EDAR: variants seen among roughly 807,000 people sequenced by gnomAD.
EDAR encodes ectodysplasin A receptor.
EDAR carries 38 observed loss-of-function variants against 51.3 expected under a neutral mutation model. The ratio of observed to expected loss-of-function variants is 0.74; its 90% CI spans 0.57 to 0.97. The LOEUF (loss-of-function observed/expected upper bound fraction) is 0.97. Ranked by LOEUF, EDAR falls within the 50% of genes least tolerant of loss-of-function variation. The pLI is 0.00. For synonymous variants in EDAR, 227 were observed against 242.1 expected, an observed-to-expected ratio of 0.94 and a Z score of 0.58; for missense variants, 528 against 595.0, an observed-to-expected ratio of 0.89 and a Z score of 1.17.
At chr2:108,979,605 G>A (rs6710980) in intron 1 of EDAR, among the ~76,000 whole-genome samples, 1 of 152,106 alleles carries the variant, frequency 6.6e-6, no homozygotes, top group Non-Finnish European at 1.5e-5. Context: ...GAGCCATGCT[G>A]CTGAGGTGCA....
At chr2:108,984,643 A>G (rs564786367) in intron 1 of EDAR, among the ~76,000 whole-genome samples, 2 of 151,224 alleles carry the variant, frequency 1.3e-5, no homozygotes, top group South Asian at 2.1e-4. Flanking sequence ...AGAGGCCCCC[A>G]CTACTACCCT....
intron 1 of EDAR, among the ~76,000 whole-genome samples, chr2:108,983,373 A>T (rs1426239911): frequency 6.6e-6 from 1 of 152,240 alleles, no homozygotes; most frequent in Non-Finnish European, 1.5e-5. Flanking sequence ...TTTTGGGGCC[A>T]GAGGTAATGT....
intron 1 of EDAR, among the ~76,000 whole-genome samples, chr2:108,970,803 C>T (rs1698220732): frequency 6.6e-6 from 1 of 152,204 alleles, no homozygotes; most frequent in South Asian, 2.1e-4. Context: ...GGAAAATACA[C>T]TTTAATTTGT....
chr2:108,935,025 A>G (rs1231666281), intron 1 of EDAR, among the ~76,000 whole-genome samples: 5 of 152,210 alleles, frequency 3.3e-5, no homozygotes, highest in African/African-American at 1.2e-4. Context: ...TTTGGAGTCA[A>G]GCGTCACCTG....
intron 1 of EDAR, among the ~76,000 whole-genome samples, chr2:108,958,539 G>C (rs1021501275): frequency 6.6e-6 from 1 of 152,156 alleles, no homozygotes; most frequent in African/African-American, 2.4e-5. Context: ...CAAGACCCTG[G>C]ACCCAGGACG....
rs12993289 is a variant in EDAR at position 108,965,023 on chromosome 2, T to G, written c.-19+23937A>C. Among the ~76,000 whole-genome samples the G allele has an allele frequency of 5.8e-3, 885 of 152,284 alleles. 5 individuals carry two copies. The highest frequency in any genetic ancestry group is 9.9e-3 in the Non-Finnish European group (674 of 68,014). ...ACAACCTGCCTCTTTTACATGAACA[T>G]TCTAAAAACTTACTTTAATATTCCT... On this transcript the variant is annotated intron_variant, in intron 1 of 11. Coordinates refer to ENST00000258443, the MANE Select transcript of EDAR (RefSeq NM_022336.4).
intron 11 of EDAR, among the ~76,000 whole-genome samples, chr2:108,903,723 T>C (rs1366411430): frequency 6.6e-6 from 1 of 152,156 alleles, no homozygotes; most frequent in Non-Finnish European, 1.5e-5. Context: ...TTGACCCAAG[T>C]TTCATATCTT....
At position 108,897,285 on chromosome 2, in the gene EDAR, A is replaced by G; in HGVS notation, c.1025-56T>C. ...TGCAAGTCACAGTCAATAGAAGGTCAACACTGAAAAATTATTTAAATGAAA... is the reference window on the plus strand; with the variant it reads ...TGCAAGTCACAGTCAATAGAAGGTCGACACTGAAAAATTATTTAAATGAAA... On this transcript the variant is annotated intron_variant, in intron 11 of 11. Transcript: ENST00000258443. 2.7e-6 allele frequency: 4 copies of G among 1,469,650 alleles called. No individual in the cohort carries two copies. In the South Asian group the frequency reaches 4.8e-5, roughly 18 times the overall value. 91.0% of individuals were successfully genotyped at this position (1,469,650 alleles called of 1,614,324 possible).
At chr2:108,948,322 G>C (rs764558955) in intron 1 of EDAR, among the ~76,000 whole-genome samples, 19 of 152,194 alleles carry the variant, frequency 1.2e-4, no homozygotes, top group Admixed American at 1.0e-3. Context: ...ACGTTCCCAT[G>C]TCTTCCTGTC....
Position 108,923,676 on chromosome 2 carries a change from T to C in EDAR, c.357-223A>G, listed in dbSNP as rs77401860. On this transcript the variant is annotated intron_variant, in intron 4 of 11. Coordinates refer to ENST00000258443, the MANE Select transcript of EDAR (RefSeq NM_022336.4). ...CAATATTGAGCTGCCAACGTGGGCC[T>C]TTCTTTTGATCTCAGCCCCTTTCTG... 1.4e-4 allele frequency among the ~76,000 whole-genome samples: 22 copies of C among 152,370 alleles called. No homozygotes were observed. The East Asian group carries it at 4.2e-3, about 29-fold the overall frequency.
intron 11 of EDAR, among the ~76,000 whole-genome samples, chr2:108,901,710 TAAAC>T (rs994467439): frequency 2.6e-5 from 4 of 152,098 alleles, no homozygotes; most frequent in African/African-American, 4.8e-5. Context: ...TAGATGAAAA[TAAAC>T]AATTCCTCAA....
At chr2:108,937,279 T>G (rs992710044) in intron 1 of EDAR, among the ~76,000 whole-genome samples, 3 of 152,238 alleles carry the variant, frequency 2.0e-5, no homozygotes, top group Non-Finnish European at 4.4e-5. Flanking sequence ...CAAACTGACC[T>G]TTGGCAGCCC....
In EDAR at chr2:108,923,423, G is replaced by A. The variant is rs752040374; in HGVS notation, c.387C>T (p.Asn129=). Residue 129 remains asparagine (N), a synonymous_variant, in exon 5 of 12, where the codon AAC becomes AAT. Coordinates refer to ENST00000258443, the MANE Select transcript of EDAR (RefSeq NM_022336.4). ...AGGAGTAGCAGACCATGCCATAGATGTTCCTCGGTCTGTTCTCCAGCATGT... is the reference window on the plus strand; with the variant it reads ...AGGAGTAGCAGACCATGCCATAGATATTCCTCGGTCTGTTCTCCAGCATGT... ...GYYMLENRPR[N]IYGMVCYSCL... is the part of the protein sequence containing the mutation. The A allele has an allele frequency of 6.8e-6, 11 of 1,614,208 alleles. No individual in the cohort carries two copies. The South Asian group carries it at 1.2e-4, about 18-fold the overall frequency.
rs1338208250 is a variant in EDAR, at chr2:108,894,990, T to G, written c.*1917A>C. 6.6e-6 allele frequency: 1 copy of G among 151,370 alleles called. No homozygotes were observed. Among genetic ancestry groups the G allele is most frequent in the Non-Finnish European group, 1.5e-5 (1 of 67,932 alleles). The allele number at this position is 151,370 out of a possible 1,614,324, so 9.4% of individuals were successfully genotyped here. Reference sequence around the variant, plus strand: ...AATGGCACACTCATCACAAGTGACATTTGCAGTCTAATTAAGGGGAGACTC... The same window carrying G: ...AATGGCACACTCATCACAAGTGACAGTTGCAGTCTAATTAAGGGGAGACTC... On this transcript the variant is annotated 3_prime_UTR_variant, in exon 12 of 12. Coordinates refer to ENST00000258443, the MANE Select transcript of EDAR (RefSeq NM_022336.4).
At chr2:108,961,157 TG>T (rs376454724) in intron 1 of EDAR, among the ~76,000 whole-genome samples, 43 of 152,340 alleles carry the variant, frequency 2.8e-4, no homozygotes, top group African/African-American at 9.6e-4. Context: ...GCAGAGCCTC[TG>T]GGCCTGGCCC....
intron 4 of EDAR, 21 bp from the exon 5 acceptor site, chr2:108,923,474 A>C: frequency 6.2e-7 from 1 of 1,611,492 alleles, no homozygotes; most frequent in Non-Finnish European, 8.5e-7. Flanking sequence ...GAGACAAGAC[A>C]AAACAGAGAC....
intron 2 of EDAR, 99 bp from the exon 3 acceptor site, chr2:108,930,341 G>C: frequency 1.4e-6 from 2 of 1,431,444 alleles, no homozygotes; most frequent in Non-Finnish European, 2.0e-6. Flanking sequence ...GGTGCCCTGC[G>C]GTGGGGGCTC....
rs1379915571 is a variant in EDAR at position 108,894,811 on chromosome 2, G to T, written c.*2096C>A. ...AGGAATAGCTCCCTAAAAATGGCAGGTGGAGAGCCAATGGAACATGAGCTG... is the reference window on the plus strand; with the variant it reads ...AGGAATAGCTCCCTAAAAATGGCAGTTGGAGAGCCAATGGAACATGAGCTG... On this transcript the variant is annotated 3_prime_UTR_variant, in exon 12 of 12. Coordinates refer to ENST00000258443, the MANE Select transcript of EDAR (RefSeq NM_022336.4). The T allele has an allele frequency of 6.6e-6, 1 of 152,216 alleles. No individual in the cohort carries two copies. Among genetic ancestry groups the T allele is most frequent in the African/African-American group, 2.4e-5 (1 of 41,440 alleles). 9.4% of individuals were successfully genotyped at this position (152,216 alleles called of 1,614,324 possible). A position where few individuals can be genotyped will look rare whatever the true frequency, so the allele number is the denominator to read the frequency against.
At chr2:108,987,280 T>C (rs1056328415) in intron 1 of EDAR, among the ~76,000 whole-genome samples, 11 of 152,250 alleles carry the variant, frequency 7.2e-5, no homozygotes, top group African/African-American at 2.4e-4. Flanking sequence ...AGCTTCCATC[T>C]GTGGGCCTAT....
Sources: allele counts gnomAD v4.1 joint callset (sites outside exome capture counted in the v4.1 genomes callset), GRCh38; gene constraint gnomAD v4.1.1; transcripts MANE v1.5; gene names NCBI Gene and HGNC (gene_info 2026-07-23, HGNC 2026-07-21).